Variants in DHX37 observed in about 807,000 individuals in gnomAD.
The protein encoded by DHX37 is probable ATP-dependent RNA helicase DHX37.
A neutral mutation model predicts 134.3 loss-of-function variants in DHX37; 52 were observed. The ratio of observed to expected loss-of-function variants is 0.39; its 90% confidence interval spans 0.31 to 0.49. The LOEUF is 0.49. Ranked by LOEUF, DHX37 falls within the 20% of genes least tolerant of loss-of-function variation. DHX37 has a pLI of 0.93. For missense variants in DHX37, 1,344 were observed against 1,580.8 expected, an observed-to-expected ratio of 0.85 and a Z score of 2.54; for synonymous variants, 634 against 670.7, an observed-to-expected ratio of 0.95 and a Z score of 0.85.
Position 124,956,829 on chromosome 12 carries a change from C to A in DHX37, c.2315G>T (p.Gly772Val). 1 of 1,609,656 alleles carries A rather than the reference C, an allele frequency of 6.2e-7. No homozygotes were observed. Among genetic ancestry groups the A allele is most frequent in the Non-Finnish European group, 8.5e-7 (1 of 1,176,872 alleles). ...NRLSCPITAL[G>V]RTMATFPVAP... ...CACGGGGAATGTGGCCATTGTCCGG[C>A]CCAGCGCAGTGATGGGGCAGCTCAG... Residue 772 changes from glycine (G) to valine (V), a missense_variant, in exon 18 of 27, where the codon GGC becomes GTC. Coordinates refer to ENST00000308736, the MANE Select transcript of DHX37 (RefSeq NM_032656.4).
intron 8 of DHX37, among the ~76,000 whole-genome samples, chr12:124,970,297 A>T (rs574719692): frequency 4.9e-4 from 74 of 152,308 alleles, no homozygotes; most frequent in African/African-American, 1.7e-3. Flanking sequence ...TGGATTGATG[A>T]GTGACAAAAT....
intron 16 of DHX37, among the ~76,000 whole-genome samples, chr12:124,959,972 TC>T (rs375012008): frequency 1.9e-4 from 29 of 151,936 alleles, no homozygotes; most frequent in African/African-American, 6.0e-4. Context: ...CCTAGAGGGA[TC>T]CCCCCCTCCA....
chr12:124,976,359 G>C (rs760650891), intron 5 of DHX37, among the ~76,000 whole-genome samples: 10 of 152,252 alleles, frequency 6.6e-5, no homozygotes, highest in Non-Finnish European at 1.3e-4. Context: ...CCTGAGCATG[G>C]TCTTGGGGAC....
At position 124,971,048 on chromosome 12, in the gene DHX37, G is replaced by C. The variant is rs184727312; in HGVS notation, c.1191+254C>G. The stretch of plus-strand genomic sequence containing the variant: ...ACACTTCTCCTGAGCCTCTTGCTTT[G>C]GATGGGGAGAAGGACACCAGTTTAT... On this transcript the variant is annotated intron_variant, in intron 8 of 26. Transcript: ENST00000308736. Among the ~76,000 whole-genome samples the C allele has an allele frequency of 9.2e-5, 14 of 152,358 alleles. No homozygotes were observed. In the East Asian group the frequency reaches 2.7e-3, roughly 29 times the overall value.
rs1481848818 is a variant in DHX37, at chr12:124,952,415, A to C, written c.2851T>G (p.Trp951Gly). 6.2e-7 allele frequency: 1 copy of C among 1,609,786 alleles called. No individual in the cohort carries two copies. Among genetic ancestry groups the C allele is most frequent in the East Asian group, 2.2e-5 (1 of 44,672 alleles). ...GGCCGCACCTTGTAGGCGTTCCTCC[A>C]CTTGTCCTCCAGCATCTCCTCGCTC... ...VQSEEMLEDK[W>G]RNAYKTPLLD... is the part of the protein sequence containing the mutation. The change falls in exon 21 of 27, where the codon TGG becomes GGG. Residue 951 changes from tryptophan to glycine, a missense_variant. Physicochemically the swap from Trp to Gly is radical, Grantham distance 184. Coordinates refer to ENST00000308736, the MANE Select transcript of DHX37 (RefSeq NM_032656.4).
chr12:124,965,522 C>A (rs1316982260), intron 13 of DHX37, 146 bp downstream of exon 13: 1 of 1,340,922 alleles, frequency 7.5e-7, no homozygotes. Context: ...TTTGAGGCCT[C>A]CTCGTGCCAG....
At chr12:124,958,754 T>C (rs1954157731) in intron 16 of DHX37, among the ~76,000 whole-genome samples, 1 of 151,166 alleles carries the variant, frequency 6.6e-6, no homozygotes, top group South Asian at 2.1e-4. Context: ...GCCTCCCGAG[T>C]AGCTGGAACT....
intron 8 of DHX37, among the ~76,000 whole-genome samples, chr12:124,970,859 G>A (rs925941738): frequency 1.4e-4 from 11 of 78,430 alleles, no homozygotes; most frequent in African/African-American, 5.4e-4. Flanking sequence ...AACTCAGCAG[G>A]CCCCTGTGTC....
intron 15 of DHX37, 65 bp from the exon 16 acceptor site, chr12:124,960,488 C>T (rs1594482646): frequency 6.3e-7 from 1 of 1,581,452 alleles, no homozygotes; most frequent in East Asian, 2.3e-5. Context: ...ATGAATACAG[C>T]CTGGGCAGAC....
rs1347451137 is a variant in DHX37 at position 124,949,724 on chromosome 12, C to T, written c.3290+262G>A. On this transcript the variant is annotated intron_variant, in intron 25 of 26. Coordinates refer to ENST00000308736, the MANE Select transcript of DHX37 (RefSeq NM_032656.4). This position sits in a 1 kb window ranked among gnomAD's most constrained non-coding sequence, Gnocchi z 4.0. ...AGAACACAGGGAGGGAGACTAAAGA[C>T]ACACAGAGAGATGGCCACGTGAAGA... Among the ~76,000 whole-genome samples the T allele has an allele frequency of 6.6e-6, 1 of 152,116 alleles. No individual in the cohort carries two copies. Among genetic ancestry groups the T allele is most frequent in the Non-Finnish European group, 1.5e-5 (1 of 68,014 alleles).
At chr12:124,965,631 T>G (rs185497060) in intron 13 of DHX37, 37 bp downstream of exon 13, 1 of 1,568,300 alleles carries the variant, frequency 6.4e-7, no homozygotes, top group South Asian at 1.2e-5. Flanking sequence ...AGGGCAGAGA[T>G]AATGAACATG....
In DHX37 at chr12:124,973,946, A is replaced by C. The variant is rs1343792407; in HGVS notation, c.981-1347T>G. Among the ~76,000 whole-genome samples the C allele has an allele frequency of 4.8e-5, 4 of 84,170 alleles. No homozygotes were observed. In the South Asian group the frequency reaches 1.8e-3, roughly 39 times the overall value. The allele number at this position is 84,170 out of a possible 152,430, so 55.2% of individuals were successfully genotyped here. A position where few individuals can be genotyped will look rare whatever the true frequency, so the allele number is the denominator to read the frequency against. On this transcript the variant is annotated intron_variant, in intron 6 of 26. Coordinates refer to ENST00000308736, the MANE Select transcript of DHX37 (RefSeq NM_032656.4). ...GCGTGAGCCGCCGTGCCCAGTCCCCAAATTTTTTTTTTTTTTTCTGAGACG... is the reference window on the plus strand; with the variant it reads ...GCGTGAGCCGCCGTGCCCAGTCCCCCAATTTTTTTTTTTTTTTCTGAGACG...
chr12:124,971,347 G>GTCCCCC lies in DHX37; in HGVS notation c.1145_1146insGGGGGA (p.Thr381_Asp382insGluGly). Reference sequence around the variant, plus strand: ...TGCGGGACAGGAGGCCGATGAGGATGTCCGTGTACACGCTCCTCTCGTGGG... The same window carrying GTCCCCC: ...TGCGGGACAGGAGGCCGATGAGGATGTCCCCCTCCGTGTACACGCTCCTCTCGTGGG... On this transcript the variant is annotated inframe_insertion, in exon 8 of 27. Transcript: ENST00000308736. 1 of 1,613,424 alleles carries GTCCCCC rather than the reference G, an allele frequency of 6.2e-7. No individual in the cohort carries two copies. Among genetic ancestry groups the GTCCCCC allele is most frequent in the Non-Finnish European group, 8.5e-7 (1 of 1,180,008 alleles).
Position 124,964,926 on chromosome 12 carries a change from T to A in DHX37, c.1812+4A>T. On this transcript the variant is annotated splice_donor_region_variant and intron_variant, in intron 14 of 26. Transcript: ENST00000308736. ...AAAGCTGGGCACCGGCCCAGCACGG[T>A]TACCTGTGCTTGCTTCTCTGGGGCC... 6.3e-7 allele frequency: 1 copy of A among 1,588,992 alleles called. No individual in the cohort carries two copies. Among genetic ancestry groups the A allele is most frequent in the Non-Finnish European group, 8.6e-7 (1 of 1,169,350 alleles).
Position 124,962,035 on chromosome 12 carries a change from T to C in DHX37, c.2046-1612A>G, listed in dbSNP as rs375852861. 6.6e-5 allele frequency among the ~76,000 whole-genome samples: 10 copies of C among 151,860 alleles called. No individual in the cohort carries two copies. In the South Asian group the frequency reaches 2.1e-3, roughly 32 times the overall value. ...TGTGTGACAGGAAATAGTCACACATTAAAACAAAACAAAAAAAACACCTGA... is the reference window on the plus strand; with the variant it reads ...TGTGTGACAGGAAATAGTCACACATCAAAACAAAACAAAAAAAACACCTGA... On this transcript the variant is annotated intron_variant, in intron 15 of 26. Coordinates refer to ENST00000308736, the MANE Select transcript of DHX37 (RefSeq NM_032656.4).
intron 6 of DHX37, among the ~76,000 whole-genome samples, chr12:124,973,518 G>A (rs561364726): frequency 7.2e-5 from 11 of 151,950 alleles, no homozygotes; most frequent in Middle Eastern, 3.4e-3. Flanking sequence ...GGGGGGCCAG[G>A]AGGAGAGTAC....
intron 1 of DHX37, among the ~76,000 whole-genome samples, chr12:124,987,691 G>A (rs369684492): frequency 4.6e-5 from 7 of 152,258 alleles, no homozygotes; most frequent in South Asian, 4.1e-4. Flanking sequence ...GAGGTAAGAC[G>A]GCTACTACAG....
chr12:124,966,784 C>G lies in DHX37; in HGVS notation c.1590+9G>C, dbSNP rs200009651. On this transcript the variant is annotated intron_variant, in intron 12 of 26. Transcript: ENST00000308736. Reference sequence around the variant, plus strand: ...ACTCTCCAGGAGTCCCTGCCAGCCCCCCACGTACCTCAGCCCGCGCCTTCT... The same window carrying G: ...ACTCTCCAGGAGTCCCTGCCAGCCCGCCACGTACCTCAGCCCGCGCCTTCT... 5.6e-6 allele frequency: 9 copies of G among 1,614,256 alleles called. No homozygotes were observed. The East Asian group carries it at 1.8e-4, about 32-fold the overall frequency.
chr12:124,977,644 G>T, intron 4 of DHX37, 154 bp from the exon 5 acceptor site: 1 of 447,560 alleles, frequency 2.2e-6, no homozygotes, highest in Non-Finnish European at 2.9e-6. Flanking sequence ...AGGAGCCATG[G>T]TCCAGGAGAG....
Sources: allele counts gnomAD v4.1 joint callset (sites outside exome capture counted in the v4.1 genomes callset), GRCh38; gene constraint gnomAD v4.1.1; non-coding constraint Gnocchi (gnomAD v3.1); transcripts MANE v1.5; gene names NCBI Gene and HGNC (gene_info 2026-07-23, HGNC 2026-07-21).